Variants in GPHN observed in about 807,000 individuals in gnomAD.
GPHN encodes the protein gephyrin.
In GPHN, 17 loss-of-function variants were observed where a neutral mutation model predicts 95.5. The observed-to-expected ratio is 0.18, with a 90% CI of 0.12 to 0.27. The LOEUF is 0.27. Ranked by LOEUF, GPHN falls within the 10% of genes least tolerant of loss-of-function variation. The pLI, the probability that GPHN is intolerant of heterozygous loss-of-function variation, is 1.00. For missense variants in GPHN, 660 were observed against 978.1 expected (o/e 0.67, Z 4.34); for synonymous variants, 320 against 322.5 (o/e 0.99, Z 0.08).
chr14:66,876,728 A>G (rs2063682492), intron 4 of GPHN, among the ~76,000 whole-genome samples: 1 of 152,118 alleles, frequency 6.6e-6, no homozygotes, highest in Non-Finnish European at 1.5e-5. Context: ...ACCAATAACA[A>G]GTTCTGAAGT....
the GPHN span, chr14:67,714,753 C>A: frequency 2.0e-5 from 3 of 152,284 alleles, no homozygotes; most frequent in Non-Finnish European, 2.9e-5. Flanking sequence ...TGAAAAGAGA[C>A]TAAGGGATTT....
At chr14:67,728,670 C>T in the GPHN span, among the ~76,000 whole-genome samples, 1 of 146,030 alleles carries the variant, frequency 6.8e-6, no homozygotes, top group Non-Finnish European at 1.5e-5. Flanking sequence ...ATAATTGGTA[C>T]TGAAAAATAG....
At chr14:66,971,016 T>TTA (rs1332826277) in intron 9 of GPHN, among the ~76,000 whole-genome samples, 1 of 152,172 alleles carries the variant, frequency 6.6e-6, no homozygotes, top group Non-Finnish European at 1.5e-5. Flanking sequence ...TTTATGTGGG[T>TTA]TATATCTAAC....
At chr14:67,571,735 A>AGG in the GPHN span, 1 of 1,605,946 alleles carries the variant, frequency 6.2e-7, no homozygotes, top group South Asian at 1.1e-5. Flanking sequence ...GCAGTGAGGG[A>AGG]GGGGCCTGTC....
the GPHN span, among the ~76,000 whole-genome samples, chr14:67,490,782 A>G: frequency 6.6e-6 from 1 of 150,842 alleles, no homozygotes; most frequent in African/African-American, 2.4e-5. Flanking sequence ...TTTTACCCCC[A>G]CTCTCCTTTT....
the GPHN span, among the ~76,000 whole-genome samples, chr14:67,217,124 C>T: frequency 1.7e-4 from 26 of 151,900 alleles, no homozygotes; most frequent in Non-Finnish European, 2.9e-4. Context: ...TATATCTTCA[C>T]GTTAAATTGA....
the GPHN span, chr14:67,208,366 T>C: frequency 2.5e-6 from 4 of 1,613,924 alleles, no homozygotes; most frequent in South Asian, 4.4e-5. Flanking sequence ...GTGAGGCAAA[T>C]ACATCCAAGG....
At chr14:67,479,856 T>G in the GPHN span, among the ~76,000 whole-genome samples, 1 of 152,162 alleles carries the variant, frequency 6.6e-6, no homozygotes, top group South Asian at 2.1e-4. Context: ...TGCAGGCTCT[T>G]CCCTCCTGTG....
chr14:66,626,192 C>T (rs1408516336), intron 1 of GPHN, among the ~76,000 whole-genome samples: 4 of 152,072 alleles, frequency 2.6e-5, no homozygotes, highest in Non-Finnish European at 4.4e-5. Context: ...TATAGAGAAC[C>T]AGAATCTGTT....
At chr14:67,697,116 GCAC>G in the GPHN span, among the ~76,000 whole-genome samples, 190 of 152,304 alleles carry the variant, frequency 1.2e-3, no homozygotes, top group Non-Finnish European at 2.3e-3. Flanking sequence ...AGTGTACTAG[GCAC>G]TGTGCTGATG....
chr14:67,727,125 T>C, the GPHN span: 2 of 1,614,110 alleles, frequency 1.2e-6, no homozygotes, highest in African/African-American at 1.3e-5. Context: ...AGCAGGGGTT[T>C]TGCCTATTGC....
At chr14:66,711,476 T>A (rs1566853664) in intron 2 of GPHN, among the ~76,000 whole-genome samples, 1 of 152,142 alleles carries the variant, frequency 6.6e-6, no homozygotes, top group Non-Finnish European at 1.5e-5. Context: ...GATTTTGCAG[T>A]TGTGAATTGT....
At chr14:66,646,709 G>T (rs375184886) in intron 1 of GPHN, among the ~76,000 whole-genome samples, 181 of 152,160 alleles carry the variant, frequency 1.2e-3, no homozygotes, top group African/African-American at 4.0e-3. Context: ...GTAGAATGGT[G>T]GTTACCAGGG....
At chr14:66,874,454 T>C (rs1455371444) in intron 4 of GPHN, among the ~76,000 whole-genome samples, 1 of 151,934 alleles carries the variant, frequency 6.6e-6, no homozygotes, top group East Asian at 1.9e-4. Flanking sequence ...AATAAAAAAC[T>C]CCTCCGAGCT....
At chr14:67,722,486 T>C in the GPHN span, 3 of 761,986 alleles carry the variant, frequency 3.9e-6, no homozygotes, top group Middle Eastern at 3.6e-4. Context: ...TTCTGGGCTC[T>C]GCTCAGAGTC....
At chr14:67,533,136 G>A in the GPHN span, among the ~76,000 whole-genome samples, 1 of 152,288 alleles carries the variant, frequency 6.6e-6, no homozygotes, top group Non-Finnish European at 1.5e-5. Context: ...GGAGCGGGCG[G>A]GGAGCCGAGG....
intron 1 of GPHN, among the ~76,000 whole-genome samples, chr14:66,594,660 A>G (rs2061897912): frequency 6.6e-6 from 1 of 152,206 alleles, no homozygotes; most frequent in Admixed American, 6.5e-5. Flanking sequence ...ATATATATAT[A>G]AATCATCTCA....
At chr14:67,040,882 A>C (rs1294712330) in intron 10 of GPHN, among the ~76,000 whole-genome samples, 1 of 152,160 alleles carries the variant, frequency 6.6e-6, no homozygotes, top group African/African-American at 2.4e-5. Flanking sequence ...CTTGGCTAAA[A>C]GGGTGTCTGC....
chr14:67,191,013 C>G, the GPHN span, among the ~76,000 whole-genome samples: 1 of 152,202 alleles, frequency 6.6e-6, no homozygotes, highest in Non-Finnish European at 1.5e-5. Flanking sequence ...GCAGGTGGAT[C>G]ACCTGAGGTC....
Sources: allele counts gnomAD v4.1 joint callset (sites outside exome capture counted in the v4.1 genomes callset), GRCh38; gene constraint gnomAD v4.1.1; transcripts MANE v1.5; gene names NCBI Gene and HGNC (gene_info 2026-07-23, HGNC 2026-07-21).